The following GRM5 variants were observed in gnomAD, a reference collection of about 807,000 sequenced individuals.
GRM5 encodes the protein glutamate metabotropic receptor 5, also known as metabotropic glutamate receptor 5.
In GRM5, 19 loss-of-function variants were observed where a neutral mutation model predicts 83.1. The ratio of observed to expected loss-of-function variants is 0.23; its 90% CI spans 0.16 to 0.34. The LOEUF (loss-of-function observed/expected upper bound fraction) is 0.34. Ranked by LOEUF, GRM5 falls within the 10% of genes least tolerant of loss-of-function variation. The pLI, the probability that GRM5 is intolerant of heterozygous loss-of-function variation, is 1.00. For missense variants in GRM5, 1,160 were observed against 1,588.3 expected (o/e 0.73, Z 4.58); for synonymous variants, 675 against 633.6 (o/e 1.07, Z -0.98).
chr11:88,723,643 TAAC>T (rs1941603267), intron 3 of GRM5, among the ~76,000 whole-genome samples: 2 of 152,132 alleles, frequency 1.3e-5, no homozygotes, highest in East Asian at 1.9e-4. Context: ...AGCAACTAGA[TAAC>T]AACTTTTCAC....
chr11:89,025,279 A>T (rs1941102352), intron 2 of GRM5, among the ~76,000 whole-genome samples: 1 of 152,234 alleles, frequency 6.6e-6, no homozygotes, highest in South Asian at 2.1e-4. Context: ...CTGACAATAA[A>T]TTGTAAGCTC....
intron 2 of GRM5, among the ~76,000 whole-genome samples, chr11:89,033,447 C>G (rs189058896): frequency 7.8e-4 from 118 of 151,952 alleles, no homozygotes; most frequent in African/African-American, 2.7e-3. Flanking sequence ...TTTCATTTGC[C>G]TATGATTAGA....
chr11:89,012,608 G>A (rs1940734226), intron 2 of GRM5, among the ~76,000 whole-genome samples: 1 of 152,176 alleles, frequency 6.6e-6, no homozygotes, highest in Admixed American at 6.5e-5. Flanking sequence ...ATCAAGAACT[G>A]CTGCACAGAA....
intron 2 of GRM5, among the ~76,000 whole-genome samples, chr11:88,939,735 T>C (rs1938023034): frequency 6.6e-6 from 1 of 151,776 alleles, no homozygotes; most frequent in Non-Finnish European, 1.5e-5. Context: ...ACCTGACATT[T>C]AGTACATAAT....
chr11:88,910,263 G>A (rs1415043819), intron 2 of GRM5, among the ~76,000 whole-genome samples: 26 of 151,858 alleles, frequency 1.7e-4, no homozygotes, highest in Admixed American at 1.7e-3. Context: ...TCCTTCTTAA[G>A]GCTAAATATG....
intron 1 of GRM5, among the ~76,000 whole-genome samples, chr11:89,064,941 G>GAGAGA (rs56894219): frequency 0.019 from 674 of 36,386 alleles, 23 homozygotes; most frequent in African/African-American, 0.024. Context: ...AGAGAGAGAG[G>GAGAGA]GAGAGAGAGA....
intron 8 of GRM5, among the ~76,000 whole-genome samples, chr11:88,530,076 A>G (rs1271636660): frequency 6.6e-6 from 1 of 152,038 alleles, no homozygotes; most frequent in Non-Finnish European, 1.5e-5. Context: ...TACAATGAGA[A>G]TGGTTGAAAA....
chr11:88,973,765 T>C (rs1278494722), intron 2 of GRM5, among the ~76,000 whole-genome samples: 1 of 152,108 alleles, frequency 6.6e-6, no homozygotes, highest in Non-Finnish European at 1.5e-5. Flanking sequence ...TAATGGGGTA[T>C]CATAACTGAA....
At chr11:88,963,366 T>G (rs1938842506) in intron 2 of GRM5, among the ~76,000 whole-genome samples, 1 of 152,236 alleles carries the variant, frequency 6.6e-6, no homozygotes, top group African/African-American at 2.4e-5. Flanking sequence ...ATTTACTTTT[T>G]CAGCCTCACT....
intron 3 of GRM5, among the ~76,000 whole-genome samples, chr11:88,825,829 A>C (rs1943886153): frequency 6.6e-6 from 1 of 152,182 alleles, no homozygotes. Context: ...AGTGCAAATA[A>C]CACTACATGT....
At chr11:88,876,476 C>G (rs1247291547) in intron 2 of GRM5, among the ~76,000 whole-genome samples, 2 of 152,096 alleles carry the variant, frequency 1.3e-5, no homozygotes, top group Admixed American at 1.3e-4. Context: ...ACTGGAGTAG[C>G]ATTTTTAAAT....
At chr11:88,745,194 TTTTC>T (rs139585460) in intron 3 of GRM5, among the ~76,000 whole-genome samples, 76,292 of 110,980 alleles carry the variant, frequency 0.69, 21,683 homozygotes, top group South Asian at 0.83. Context: ...TTCTTTTTAT[TTTTC>T]TTTTTTTTTT....
intron 1 of GRM5, among the ~76,000 whole-genome samples, chr11:89,065,305 C>G (rs1565358605): frequency 2.4e-5 from 3 of 123,992 alleles, no homozygotes; most frequent in Non-Finnish European, 5.7e-5. Flanking sequence ...CACACACACA[C>G]ACACACAGAC....
chr11:88,736,102 T>C (rs1941908513), intron 3 of GRM5, among the ~76,000 whole-genome samples: 1 of 152,062 alleles, frequency 6.6e-6, no homozygotes, highest in Non-Finnish European at 1.5e-5. Flanking sequence ...GAAAAACCTG[T>C]TCACCACTTT....
At chr11:88,987,157 G>C (rs556991908) in intron 2 of GRM5, among the ~76,000 whole-genome samples, 1 of 152,108 alleles carries the variant, frequency 6.6e-6, no homozygotes, top group Non-Finnish European at 1.5e-5. Context: ...TGCGCGCACC[G>C]TGCACAAGCC....
chr11:88,753,967 A>G (rs1942340507), intron 3 of GRM5, among the ~76,000 whole-genome samples: 1 of 152,116 alleles, frequency 6.6e-6, no homozygotes, highest in African/African-American at 2.4e-5. Context: ...AGCACGGGAA[A>G]GACCTGCCCC....
intron 2 of GRM5, among the ~76,000 whole-genome samples, chr11:89,036,893 A>G (rs1170133167): frequency 1.3e-5 from 2 of 152,180 alleles, no homozygotes; most frequent in African/African-American, 4.8e-5. Flanking sequence ...CTCATATATT[A>G]TCATACTATA....
intron 2 of GRM5, among the ~76,000 whole-genome samples, chr11:88,981,010 AG>A (rs1939501445): frequency 8.5e-6 from 1 of 117,016 alleles, no homozygotes; most frequent in African/African-American, 2.6e-5. Flanking sequence ...GTCCCTAATC[AG>A]AAAAAAAAAA....
intron 3 of GRM5, among the ~76,000 whole-genome samples, chr11:88,718,866 G>T (rs1993842): frequency 0.83 from 126,289 of 151,850 alleles, 54,895 homozygotes; most frequent in Non-Finnish European, 0.97. Flanking sequence ...CTTTCTCAAA[G>T]AAGTCACAGA....
Sources: gnomAD v4.1 joint callset for allele counts (sites outside exome capture counted in the v4.1 genomes callset) on GRCh38, gnomAD v4.1.1 for gene constraint, MANE v1.5 for transcripts, NCBI Gene and HGNC (gene_info 2026-07-23, HGNC 2026-07-21) for gene names.